Variants in NTM observed in about 807,000 individuals in gnomAD.
NTM encodes the protein IgLON family member 2.
A neutral mutation model predicts 42.1 loss-of-function variants in NTM; 13 were observed. The observed-to-expected ratio is 0.31, with a 90% confidence interval of 0.20 to 0.49. NTM has a LOEUF of 0.49. Among genes scored for constraint, NTM ranks in the 20% least tolerant of loss-of-function variants. The pLI is 0.99. For synonymous variants in NTM, 187 were observed against 179.2 expected (o/e 1.04, Z -0.35); for missense variants, 373 against 452.8 (o/e 0.82, Z 1.60).
At chr11:131,470,698 C>T (rs558774979) in intron 1 of NTM, among the ~76,000 whole-genome samples, 4 of 152,282 alleles carry the variant, frequency 2.6e-5, no homozygotes, top group Admixed American at 2.0e-4. Context: ...TCTCTTGGCT[C>T]ACAGGCACAT....
At chr11:131,649,620 G>A (rs185677893) in intron 1 of NTM, among the ~76,000 whole-genome samples, 95 of 152,222 alleles carry the variant, frequency 6.2e-4, no homozygotes, top group Middle Eastern at 3.4e-3. Context: ...TAATCGCCTC[G>A]TTCAGCAGAA....
At chr11:131,577,157 A>G (rs2058013471) in intron 1 of NTM, among the ~76,000 whole-genome samples, 1 of 152,222 alleles carries the variant, frequency 6.6e-6, no homozygotes, top group Non-Finnish European at 1.5e-5. Context: ...GTAAACAGGA[A>G]TAATTGCATT....
intron 1 of NTM, among the ~76,000 whole-genome samples, chr11:131,867,975 A>G (rs987072021): frequency 1.3e-4 from 20 of 152,132 alleles, no homozygotes; most frequent in African/African-American, 4.8e-4. Context: ...CTGCATGGAG[A>G]GAGAGGAAAC....
chr11:132,188,869 TG>T (rs2078854263), intron 3 of NTM, among the ~76,000 whole-genome samples: 1 of 152,156 alleles, frequency 6.6e-6, no homozygotes, highest in Non-Finnish European at 1.5e-5. Context: ...CCTGGTTCTC[TG>T]ATTGACAGTG....
intron 2 of NTM, among the ~76,000 whole-genome samples, chr11:131,993,733 G>A (rs1310351383): frequency 6.6e-6 from 1 of 152,132 alleles, no homozygotes; most frequent in African/African-American, 2.4e-5. Context: ...CTGAGCGGTG[G>A]CTCATGCCTG....
At chr11:132,130,821 C>T (rs73593362) in intron 2 of NTM, among the ~76,000 whole-genome samples, 1,799 of 152,268 alleles carry the variant, frequency 0.012, 29 homozygotes, top group African/African-American at 0.039. Context: ...AGATTTCTCA[C>T]GGTGAGAACT....
chr11:131,752,630 G>A (rs746934213), intron 1 of NTM, among the ~76,000 whole-genome samples: 469 of 152,224 alleles, frequency 3.1e-3, no homozygotes, highest in Non-Finnish European at 5.7e-3. Flanking sequence ...CAAAGACTTG[G>A]AACCAACCCA....
intron 1 of NTM, chr11:131,660,779 C>A: frequency 2.9e-6 from 3 of 1,037,050 alleles, no homozygotes; most frequent in Non-Finnish European, 3.8e-6. Flanking sequence ...AGGCTACTTG[C>A]GAACTCCTGA....
At chr11:131,541,036 A>G (rs1406871350) in intron 1 of NTM, among the ~76,000 whole-genome samples, 1 of 152,166 alleles carries the variant, frequency 6.6e-6, no homozygotes, top group Admixed American at 6.6e-5. Context: ...CAGATTAGTG[A>G]TTACAATTAT....
chr11:132,183,698 G>C (rs543669605), intron 3 of NTM, among the ~76,000 whole-genome samples: 2 of 152,224 alleles, frequency 1.3e-5, no homozygotes, highest in South Asian at 2.1e-4. Context: ...AGAAACTTTA[G>C]ACTCACCAAC....
At chr11:131,546,272 C>T (rs2053932552) in intron 1 of NTM, among the ~76,000 whole-genome samples, 1 of 152,022 alleles carries the variant, frequency 6.6e-6, no homozygotes, top group Middle Eastern at 3.2e-3. Flanking sequence ...ACAAACTAAA[C>T]CCGGTTCTTC....
intron 1 of NTM, among the ~76,000 whole-genome samples, chr11:131,424,353 C>A (rs1947834879): frequency 6.6e-6 from 1 of 152,064 alleles, no homozygotes; most frequent in Non-Finnish European, 1.5e-5. Flanking sequence ...GTCTGTGTCT[C>A]TTCCTTGCCT....
intron 4 of NTM, among the ~76,000 whole-genome samples, chr11:132,236,221 G>T (rs1442921670): frequency 6.6e-6 from 1 of 152,134 alleles, no homozygotes; most frequent in Non-Finnish European, 1.5e-5. Context: ...TCTTCATAAT[G>T]AGGTAAGTAC....
At chr11:131,880,633 G>A (rs2049314152) in intron 1 of NTM, among the ~76,000 whole-genome samples, 1 of 152,162 alleles carries the variant, frequency 6.6e-6, no homozygotes, top group Non-Finnish European at 1.5e-5. Context: ...CGATTCAAGG[G>A]TCACAGGGCT....
intron 1 of NTM, among the ~76,000 whole-genome samples, chr11:131,818,680 G>A (rs768280472): frequency 2.1e-4 from 32 of 152,202 alleles, no homozygotes; most frequent in Admixed American, 8.5e-4. Flanking sequence ...GCTATTGCAC[G>A]TCATTTGTGT....
intron 1 of NTM, among the ~76,000 whole-genome samples, chr11:131,453,559 A>G (rs1229343728): frequency 1.3e-5 from 2 of 152,142 alleles, no homozygotes; most frequent in African/African-American, 4.8e-5. Flanking sequence ...AATAACAAAG[A>G]AAACACAAGC....
At chr11:132,329,347 G>C (rs2095753984) in intron 7 of NTM, among the ~76,000 whole-genome samples, 1 of 152,220 alleles carries the variant, frequency 6.6e-6, no homozygotes, top group African/African-American at 2.4e-5. Flanking sequence ...CCACAGAAAA[G>C]GTGGAGAGAC....
In NTM at chr11:131,424,595, C is replaced by CTTTTTTTTTTTTTTTTTTTTTTTTTTT. The variant is rs1446801058; in HGVS notation, c.82+53711_82+53712insTTTTTTTTTTTTTTTTTTTTTTTTTTT. ...TGCTTAGTTGTTTTTTATTTCTTTTCTTTTCTTTTTTTTTTTTTTTTTTGG... is the reference window on the plus strand; with the variant it reads ...TGCTTAGTTGTTTTTTATTTCTTTTCTTTTTTTTTTTTTTTTTTTTTTTTTTTTTTTCTTTTTTTTTTTTTTTTTTGG... On this transcript the variant is annotated intron_variant, in intron 1 of 8. Coordinates refer to ENST00000683400, the MANE Select transcript of NTM (RefSeq NM_001352005.2). 4.0e-4 allele frequency among the ~76,000 whole-genome samples: 16 copies of CTTTTTTTTTTTTTTTTTTTTTTTTTTT among 39,620 alleles called. 2 individuals are homozygous for CTTTTTTTTTTTTTTTTTTTTTTTTTTT. The highest frequency in any genetic ancestry group is 2.9e-3 in the East Asian group (3 of 1,050). The allele number at this position is 39,620 out of a possible 152,430, so 26.0% of individuals were successfully genotyped here.
At chr11:132,256,853 C>T (rs1420851825) in intron 4 of NTM, among the ~76,000 whole-genome samples, 5 of 152,320 alleles carry the variant, frequency 3.3e-5, no homozygotes, top group East Asian at 1.9e-4. Flanking sequence ...GTGTTATCGT[C>T]GGGACCCCTA....
Sources: gnomAD v4.1 joint callset for allele counts (sites outside exome capture counted in the v4.1 genomes callset) on GRCh38, gnomAD v4.1.1 for gene constraint, MANE v1.5 for transcripts, NCBI Gene and HGNC (gene_info 2026-07-23, HGNC 2026-07-21) for gene names.